Variants in PKHD1 observed in about 807,000 individuals in gnomAD.
The protein encoded by PKHD1 is fibrocystin.
In PKHD1, 291 loss-of-function variants were observed where a neutral mutation model predicts 412.0. The observed-to-expected ratio is 0.71, with a 90% confidence interval of 0.64 to 0.78. The LOEUF (loss-of-function observed/expected upper bound fraction) is 0.78. PKHD1 is among the 30% of genes least tolerant of loss of function. PKHD1 has a pLI of 0.00. For synonymous variants in PKHD1, 1,777 were observed against 1,821.5 expected (o/e 0.98, Z 0.62); for missense variants, 4,825 against 4,950.7 (o/e 0.97, Z 0.76).
Position 51,753,340 on chromosome 6 carries a change from G to T in PKHD1, c.8811C>A (p.Val2937=), listed in dbSNP as rs752973353. 6.2e-7 allele frequency: 1 copy of T among 1,613,534 alleles called. No individual in the cohort carries two copies. The highest frequency in any genetic ancestry group is 8.5e-7 in the Non-Finnish European group (1 of 1,179,668). The change falls in exon 57 of 67, where the codon GTC becomes GTA. Residue 2937 remains valine, a synonymous_variant. Transcript: ENST00000371117. ...LKHRHIGSVH[V]TEDGRHIRLA... ...AACGAATGTGTCGGCCATCCTCCGT[G>T]ACATGTACACTTCCTGGGGCAATAG...
intron 53 of PKHD1, among the ~76,000 whole-genome samples, chr6:51,789,216 C>A (rs1304162443): frequency 6.6e-6 from 1 of 152,122 alleles, no homozygotes; most frequent in African/African-American, 2.4e-5. Context: ...AATTTGGCAG[C>A]ATGTATTAAA....
intron 50 of PKHD1, among the ~76,000 whole-genome samples, chr6:51,840,702 C>T (rs1046721510): frequency 3.3e-5 from 5 of 152,158 alleles, no homozygotes; most frequent in African/African-American, 9.7e-5. Flanking sequence ...TTTTCTCATA[C>T]TACACTCTTA....
rs773615149 is a variant in PKHD1, at chr6:51,870,656, A to G, written c.7351-17T>C. 2.5e-6 allele frequency: 4 copies of G among 1,598,404 alleles called. No individual in the cohort carries two copies. Among genetic ancestry groups the G allele is most frequent in the Non-Finnish European group, 1.7e-6 (2 of 1,166,510 alleles). On this transcript the variant is annotated splice_polypyrimidine_tract_variant and intron_variant, in intron 46 of 66. Transcript: ENST00000371117. Reference sequence around the variant, plus strand: ...CAGACTTCCCTGTGATTTAAAAGAAAAAAAGATGAAAGCAAAATAAGAAAA... The same window carrying G: ...CAGACTTCCCTGTGATTTAAAAGAAGAAAAGATGAAAGCAAAATAAGAAAA...
intron 23 of PKHD1, among the ~76,000 whole-genome samples, chr6:52,046,840 C>T (rs1465226863): frequency 6.6e-6 from 1 of 152,170 alleles, no homozygotes; most frequent in Non-Finnish European, 1.5e-5. Flanking sequence ...CATTGGGTAT[C>T]CTAATGTCTA....
intron 36 of PKHD1, among the ~76,000 whole-genome samples, chr6:51,938,494 A>ACC (rs34850644): frequency 1.2e-4 from 15 of 123,548 alleles, no homozygotes; most frequent in Non-Finnish European, 2.0e-4. Flanking sequence ...GCACGCTGTG[A>ACC]CCCCCCACTC....
At chr6:51,634,062 T>A (rs556204021) in intron 64 of PKHD1, among the ~76,000 whole-genome samples, 5 of 145,840 alleles carry the variant, frequency 3.4e-5, no homozygotes, top group Admixed American at 2.1e-4. Flanking sequence ...CAGGTTTATT[T>A]AAAAAAAAAA....
At chr6:51,783,319 G>A (rs1792324355) in intron 53 of PKHD1, among the ~76,000 whole-genome samples, 1 of 147,490 alleles carries the variant, frequency 6.8e-6, no homozygotes, top group Non-Finnish European at 1.5e-5. Context: ...TAGGATATGT[G>A]TTTCAAAAAT....
chr6:52,028,802 T>C (rs1166786326), intron 29 of PKHD1, among the ~76,000 whole-genome samples: 1 of 152,206 alleles, frequency 6.6e-6, no homozygotes, highest in Non-Finnish European at 1.5e-5. Context: ...GTAAGCCACC[T>C]TGCCTGGCTT....
intron 36 of PKHD1, 49 bp from the exon 37 acceptor site, chr6:51,934,371 C>G (rs768683005): frequency 5.9e-6 from 7 of 1,183,306 alleles, no homozygotes; most frequent in African/African-American, 4.5e-5. Flanking sequence ...TAAGGCTTAC[C>G]GTTTTGTCAG....
chr6:51,946,936 G>T (rs1331446816), intron 36 of PKHD1, among the ~76,000 whole-genome samples: 1 of 151,810 alleles, frequency 6.6e-6, no homozygotes, highest in Non-Finnish European at 1.5e-5. Flanking sequence ...ATAATTTGTT[G>T]TTTTTTTTAA....
chr6:51,817,811 G>A (rs1765712153), intron 52 of PKHD1, among the ~76,000 whole-genome samples: 1 of 139,958 alleles, frequency 7.1e-6, no homozygotes. Context: ...CATTCTGGAA[G>A]ACAGCAGAGA....
chr6:51,996,967 G>C lies in PKHD1; in HGVS notation c.5751+13342C>G, dbSNP rs111398283. Reference sequence around the variant, plus strand: ...ATTAGCTCTATTCTATAAGTGCACAGTGATCACTCATTGGCCAAAACCAAT... The same window carrying C: ...ATTAGCTCTATTCTATAAGTGCACACTGATCACTCATTGGCCAAAACCAAT... On this transcript the variant is annotated intron_variant, in intron 35 of 66. Transcript: ENST00000371117. Among the ~76,000 whole-genome samples, 703 of 152,324 alleles carry C rather than the reference G, an allele frequency of 4.6e-3. 6 individuals are homozygous for C. Among genetic ancestry groups the C allele is most frequent in the African/African-American group, 0.016 (662 of 41,570 alleles).
chr6:51,895,791 C>G (rs564445016), intron 43 of PKHD1, among the ~76,000 whole-genome samples: 4 of 151,810 alleles, frequency 2.6e-5, no homozygotes, highest in African/African-American at 9.7e-5. Flanking sequence ...AGACAGTGGG[C>G]GCAGGTCAGT....
At chr6:51,883,255 G>A (rs1354614869) in intron 45 of PKHD1, 28 bp from the exon 46 acceptor site, 1 of 1,609,314 alleles carries the variant, frequency 6.2e-7, no homozygotes, top group Admixed American at 1.7e-5. Context: ...TTACAGCAAA[G>A]GTCTGAGGCT....
intron 37 of PKHD1, among the ~76,000 whole-genome samples, chr6:51,921,322 G>T (rs1376306750): frequency 1.3e-5 from 2 of 152,154 alleles, no homozygotes; most frequent in Non-Finnish European, 2.9e-5. Context: ...GCTTCCCTTT[G>T]TGGGTAACCA....
In PKHD1 at chr6:51,746,803, T is replaced by C; in HGVS notation, c.9916A>G (p.Met3306Val). ...GTCCTCTCTGCTGTTATTGGGTGCATAATTCCACTGTTCTCTGCATTTGGT... is the reference window on the plus strand; with the variant it reads ...GTCCTCTCTGCTGTTATTGGGTGCACAATTCCACTGTTCTCTGCATTTGGT... ...ILPNAENSGI[M>V]HPITAERTRM... The change falls in exon 59 of 67, where the codon ATG (methionine) becomes GTG (valine). Residue 3306 changes from methionine (M) to valine (V), a missense_variant. Met to Val is a conservative substitution (Grantham distance 21). Coordinates refer to ENST00000371117, the MANE Select transcript of PKHD1 (RefSeq NM_138694.4). 6.2e-7 allele frequency: 1 copy of C among 1,610,586 alleles called. No individual in the cohort carries two copies. Among genetic ancestry groups the C allele is most frequent in the Non-Finnish European group, 8.5e-7 (1 of 1,176,944 alleles).
chr6:51,948,178 C>T (rs1789766250), intron 36 of PKHD1, among the ~76,000 whole-genome samples: 1 of 152,110 alleles, frequency 6.6e-6, no homozygotes, highest in African/African-American at 2.4e-5. Flanking sequence ...CTGTTTCTGC[C>T]CTTATCCTCT....
chr6:51,890,513 C>T (rs1217575731), intron 43 of PKHD1, among the ~76,000 whole-genome samples: 1 of 151,734 alleles, frequency 6.6e-6, no homozygotes, highest in African/African-American at 2.4e-5. Context: ...TCCAAGTAAG[C>T]CAGCTCCTAG....
intron 52 of PKHD1, among the ~76,000 whole-genome samples, chr6:51,816,604 A>G (rs1765498859): frequency 6.6e-6 from 1 of 152,260 alleles, no homozygotes; most frequent in Non-Finnish European, 1.5e-5. Flanking sequence ...CTAACTAGAT[A>G]TGTAAACAGA....
Sources: allele counts gnomAD v4.1 joint callset (sites outside exome capture counted in the v4.1 genomes callset), GRCh38; gene constraint gnomAD v4.1.1; transcripts MANE v1.5; gene names NCBI Gene and HGNC (gene_info 2026-07-23, HGNC 2026-07-21).